The following ERC2 variants were observed in gnomAD, a reference collection of about 807,000 sequenced individuals.
ERC2 encodes ERC protein 2.
ERC2 carries 42 observed loss-of-function variants against 114.8 expected under a neutral mutation model. The ratio of observed to expected loss-of-function variants is 0.37; its 90% CI spans 0.29 to 0.47. The LOEUF is 0.47. Ranked by LOEUF, ERC2 falls within the 20% of genes least tolerant of loss-of-function variation. ERC2 has a pLI of 0.99. For synonymous variants in ERC2, 454 were observed against 425.5 expected (o/e 1.07, Z -0.82); for missense variants, 939 against 1,150.7 (o/e 0.82, Z 2.66).
chr3:56,370,788 T>A (rs555905242), intron 2 of ERC2, among the ~76,000 whole-genome samples: 3 of 152,158 alleles, frequency 2.0e-5, no homozygotes, highest in African/African-American at 7.2e-5. Flanking sequence ...AGAGAAGGGG[T>A]TTCACCATGT....
chr3:55,719,626 T>C lies in ERC2; in HGVS notation c.2712+15145A>G, dbSNP rs1015795048. ...AAGAGGCAACTGGGACATTTGCTCA[T>C]ACTATCTGCTATTAAGATAAATCAG... On this transcript the variant is annotated intron_variant, in intron 15 of 17. Transcript: ENST00000288221. 2.6e-5 allele frequency among the ~76,000 whole-genome samples: 4 copies of C among 152,202 alleles called. 1 individual carries two copies. The South Asian group carries it at 8.3e-4, about 31-fold the overall frequency.
chr3:56,062,720 C>T (rs192843397), intron 7 of ERC2, among the ~76,000 whole-genome samples: 75 of 152,218 alleles, frequency 4.9e-4, no homozygotes, highest in Non-Finnish European at 3.7e-4. Flanking sequence ...TAGTATACCA[C>T]CAGAATTGTT....
chr3:56,233,933 A>G (rs1203482495), intron 3 of ERC2, among the ~76,000 whole-genome samples: 1 of 152,182 alleles, frequency 6.6e-6, no homozygotes, highest in Non-Finnish European at 1.5e-5. Context: ...CATTGGGCTC[A>G]CTTGTATAAT....
At chr3:55,941,207 T>G (rs1242093182) in intron 13 of ERC2, among the ~76,000 whole-genome samples, 1 of 152,146 alleles carries the variant, frequency 6.6e-6, no homozygotes, top group Admixed American at 6.5e-5. Flanking sequence ...GGGTAAGACT[T>G]GTCTTGGGAT....
At chr3:55,607,793 A>G (rs775701304) in intron 17 of ERC2, 4 of 152,138 alleles carry the variant, frequency 2.6e-5, no homozygotes, top group Non-Finnish European at 4.4e-5. Context: ...GTTTGGTATC[A>G]CAATACGGGA....
intron 7 of ERC2, among the ~76,000 whole-genome samples, chr3:56,069,298 C>T (rs2149725069): frequency 6.6e-6 from 1 of 152,286 alleles, no homozygotes; most frequent in South Asian, 2.1e-4. Flanking sequence ...GTTTACTTGC[C>T]TCTGAATTTC....
At chr3:56,289,945 G>A (rs1370394730) in intron 3 of ERC2, among the ~76,000 whole-genome samples, 1 of 152,154 alleles carries the variant, frequency 6.6e-6, no homozygotes, top group African/African-American at 2.4e-5. Context: ...CCCTATCTGT[G>A]TAATACACAT....
chr3:56,212,959 A>G (rs138567310), intron 3 of ERC2, among the ~76,000 whole-genome samples: 4 of 152,346 alleles, frequency 2.6e-5, no homozygotes, highest in African/African-American at 9.6e-5. Flanking sequence ...GTTCTCATTC[A>G]TAAGTGGGAG....
intron 14 of ERC2, among the ~76,000 whole-genome samples, chr3:55,803,565 A>T (rs1346432618): frequency 6.6e-6 from 1 of 151,764 alleles, no homozygotes; most frequent in African/African-American, 2.4e-5. Context: ...TTTTTTTTCA[A>T]GCAAAGATCA....
chr3:56,039,364 T>A (rs1447480451), intron 7 of ERC2, among the ~76,000 whole-genome samples: 2 of 152,032 alleles, frequency 1.3e-5, no homozygotes, highest in African/African-American at 4.8e-5. Flanking sequence ...CAACAAACTA[T>A]CTGAAAAAGA....
intron 14 of ERC2, among the ~76,000 whole-genome samples, chr3:55,831,887 G>A (rs112877664): frequency 0.01 from 1,539 of 152,276 alleles, 31 homozygotes; most frequent in African/African-American, 0.035. Context: ...CTGGAAAATC[G>A]GGTCACTCCC....
chr3:56,167,737 T>G (rs1244912495), intron 4 of ERC2, among the ~76,000 whole-genome samples: 2 of 152,116 alleles, frequency 1.3e-5, no homozygotes, highest in Non-Finnish European at 2.9e-5. Flanking sequence ...ACACAGTCCT[T>G]TACAAGTTTG....
intron 5 of ERC2, among the ~76,000 whole-genome samples, chr3:56,143,365 T>C (rs1199101309): frequency 6.6e-6 from 1 of 152,182 alleles, no homozygotes; most frequent in Non-Finnish European, 1.5e-5. Context: ...CCAAATCTCA[T>C]CTTGAATTGT....
chr3:56,139,709 G>C (rs756808116), intron 5 of ERC2, 33 bp from the exon 6 acceptor site: 3 of 1,558,290 alleles, frequency 1.9e-6, no homozygotes, highest in East Asian at 4.8e-5. Context: ...CAAGAAATTA[G>C]AAATTGCTGC....
At chr3:56,288,954 G>A (rs1049970976) in intron 3 of ERC2, among the ~76,000 whole-genome samples, 2 of 152,126 alleles carry the variant, frequency 1.3e-5, no homozygotes, top group African/African-American at 2.4e-5. Flanking sequence ...GAATGCTCAC[G>A]GCCTTGGGGC....
chr3:56,113,101 A>C (rs1285331733), intron 6 of ERC2, among the ~76,000 whole-genome samples: 2 of 152,200 alleles, frequency 1.3e-5, no homozygotes, highest in African/African-American at 4.8e-5. Context: ...ATCCATTCTG[A>C]AAATTAACTA....
At chr3:55,549,312 A>C (rs2054981805) in intron 17 of ERC2, among the ~76,000 whole-genome samples, 1 of 152,066 alleles carries the variant, frequency 6.6e-6, no homozygotes, top group Non-Finnish European at 1.5e-5. Context: ...TGAAGGGTAG[A>C]ATACCATGTC....
chr3:56,017,981 G>A (rs567391389), intron 8 of ERC2, among the ~76,000 whole-genome samples: 1 of 152,294 alleles, frequency 6.6e-6, no homozygotes, highest in South Asian at 2.1e-4. Flanking sequence ...TCTTGGGTTT[G>A]GAGTCTAGCA....
intron 17 of ERC2, among the ~76,000 whole-genome samples, chr3:55,587,533 TG>T (rs2057664565): frequency 6.6e-6 from 1 of 152,246 alleles, no homozygotes; most frequent in Non-Finnish European, 1.5e-5. Context: ...ATAACCCTAA[TG>T]GCACATATCT....
Sources: allele counts gnomAD v4.1 joint callset (sites outside exome capture counted in the v4.1 genomes callset), GRCh38; gene constraint gnomAD v4.1.1; transcripts MANE v1.5; gene names NCBI Gene and HGNC (gene_info 2026-07-23, HGNC 2026-07-21).